PCDHGB1: variants seen among roughly 807,000 people sequenced by gnomAD.
PCDHGB1 encodes the protein protocadherin gamma subfamily B, 1.
A neutral mutation model predicts 56.6 loss-of-function variants in PCDHGB1; 34 were observed. The ratio of observed to expected loss-of-function variants is 0.60; its 90% confidence interval spans 0.46 to 0.80. The LOEUF is 0.80. PCDHGB1 is among the 30% of genes least tolerant of loss of function. PCDHGB1 has a pLI of 0.00. For missense variants in PCDHGB1, 1,278 were observed against 1,204.6 expected (o/e 1.06, Z -0.90); for synonymous variants, 561 against 505.9 (o/e 1.11, Z -1.46).
chr5:141,356,665 T>C (rs748524462), intron 1 of PCDHGB1: 3 of 1,613,898 alleles, frequency 1.9e-6, no homozygotes, highest in Admixed American at 3.3e-5. Flanking sequence ...CCGAATCACT[T>C]ACTCCCTGGC....
At chr5:141,423,328 G>C (rs1308803675) in intron 1 of PCDHGB1, 1 of 1,614,194 alleles carries the variant, frequency 6.2e-7, no homozygotes, top group African/African-American at 1.3e-5. Flanking sequence ...GGTGGCCGCA[G>C]TCTCCTGCAT....
chr5:141,353,442 C>T (rs114046983), intron 1 of PCDHGB1, among the ~76,000 whole-genome samples: 529 of 152,194 alleles, frequency 3.5e-3, no homozygotes, highest in Middle Eastern at 6.8e-3. Context: ...TTTGCAGCAA[C>T]ATGTATGTTT....
In PCDHGB1 at chr5:141,489,335, G is replaced by A. The variant is rs138015049; in HGVS notation, c.2410-5472G>A. The A allele has an allele frequency of 8.2e-5, 132 of 1,607,244 alleles. No individual in the cohort carries two copies. The African/African-American group carries it at 1.5e-3, about 18-fold the overall frequency. On this transcript the variant is annotated intron_variant, in intron 1 of 3. Transcript: ENST00000523390. This position sits in a 1 kb window ranked among gnomAD's most constrained non-coding sequence, Gnocchi z 4.5. ...TGGGGCTGGGTGTCTGGGCAGCTTC[G>A]TTACTCAGTGGTGGAGGAGTCTGAG...
chr5:141,357,248 A>G (rs750346912), intron 1 of PCDHGB1: 1 of 1,613,188 alleles, frequency 6.2e-7, no homozygotes, highest in South Asian at 1.1e-5. Context: ...CCTTCAGCAG[A>G]CCCAGACGAC....
chr5:141,436,842 T>G (rs986680968), intron 1 of PCDHGB1, among the ~76,000 whole-genome samples: 3 of 152,376 alleles, frequency 2.0e-5, no homozygotes, highest in African/African-American at 7.2e-5. Flanking sequence ...CCTAGGCACA[T>G]TCTTGATTGA....
In PCDHGB1 at chr5:141,417,713, C is replaced by T. The variant is rs905298887; in HGVS notation, c.2409+65044C>T. 1.3e-4 allele frequency: 160 copies of T among 1,271,624 alleles called. No homozygotes were observed. In the Admixed American group the frequency reaches 4.6e-3, roughly 37 times the overall value. The allele number at this position is 1,271,624 out of a possible 1,614,324, so 78.8% of individuals were successfully genotyped here. On this transcript the variant is annotated intron_variant, in intron 1 of 3. Transcript: ENST00000523390. ...AAACCAGCTCCCACACAGAGGCTCC[C>T]GGCTGCGCAGACCTTGCCCAGCACA... is the stretch of plus-strand genomic sequence containing the variant.
intron 1 of PCDHGB1, chr5:141,374,341 C>G: frequency 7.4e-6 from 12 of 1,613,988 alleles, no homozygotes; most frequent in Non-Finnish European, 8.5e-6. Flanking sequence ...GCTTGGTCAC[C>G]GCGGGTAGGA....
At position 141,379,889 on chromosome 5, in the gene PCDHGB1, CTTTTTTTTTTTTTT is replaced by C. The variant is rs70988800; in HGVS notation, c.2409+27237_2409+27250del. Among the ~76,000 whole-genome samples, 12 of 50,834 alleles carry C rather than the reference CTTTTTTTTTTTTTT, an allele frequency of 2.4e-4. 1 individual carries two copies. In the South Asian group the frequency reaches 3.7e-3, roughly 16 times the overall value. The allele number at this position is 50,834 out of a possible 152,430, so 33.3% of individuals were successfully genotyped here. Reference sequence around the variant, plus strand: ...CTTATTTTATGGTCTGTGAAAGCCTCTTTTTTTTTTTTTTTTTTTTTTTTTTTTTTGTCAGAGTC... The same window carrying C: ...CTTATTTTATGGTCTGTGAAAGCCTCTTTTTTTTTTTTTTTTGTCAGAGTC... On this transcript the variant is annotated intron_variant, in intron 1 of 3. Coordinates refer to ENST00000523390, the MANE Select transcript of PCDHGB1 (RefSeq NM_018922.3).
intron 1 of PCDHGB1, among the ~76,000 whole-genome samples, chr5:141,425,696 A>G (rs1033976807): frequency 1.3e-4 from 20 of 152,242 alleles, no homozygotes; most frequent in African/African-American, 4.3e-4. Context: ...ATCATTTCAT[A>G]GTGGTCAAAA....
chr5:141,423,132 C>T (rs375287728), intron 1 of PCDHGB1: 41 of 1,613,540 alleles, frequency 2.5e-5, no homozygotes, highest in Non-Finnish European at 3.3e-5. Flanking sequence ...CACTGCTGGA[C>T]AGAGACGCGC....
At position 141,476,764 on chromosome 5, in the gene PCDHGB1, G is replaced by A. The variant is rs570982273; in HGVS notation, c.2410-18043G>A. 1.2e-6 allele frequency: 2 copies of A among 1,613,794 alleles called. No homozygotes were observed. Reference sequence around the variant, plus strand: ...CTAGTCTCCAGTTAGTGCTGACGGCGTTGGACGGAGGGACCCCAGCTCTCT... The same window carrying A: ...CTAGTCTCCAGTTAGTGCTGACGGCATTGGACGGAGGGACCCCAGCTCTCT... On this transcript the variant is annotated intron_variant, in intron 1 of 3. Coordinates refer to ENST00000523390, the MANE Select transcript of PCDHGB1 (RefSeq NM_018922.3). The surrounding 1 kb of genome is among the most constrained non-coding windows in gnomAD (Gnocchi z 7.6).
At position 141,489,088 on chromosome 5, in the gene PCDHGB1, GAC is replaced by G; in HGVS notation, c.2410-5718_2410-5717del. 5.8e-6 allele frequency: 2 copies of G among 347,236 alleles called. No homozygotes were observed. The highest frequency in any genetic ancestry group is 4.7e-5 in the East Asian group (1 of 21,502). The allele number at this position is 347,236 out of a possible 1,614,324, so 21.5% of individuals were successfully genotyped here. A position where few individuals can be genotyped will look rare whatever the true frequency, so the allele number is the denominator to read the frequency against. ...CCCCTGCCCACCCCCGCCACTCGGT[GAC>G]TAAGAACTGCTGCAAGCAGGCAAAC... On this transcript the variant is annotated intron_variant, in intron 1 of 3. Transcript: ENST00000523390. The surrounding 1 kb of genome is among the most constrained non-coding windows in gnomAD (Gnocchi z 4.5).
intron 1 of PCDHGB1, chr5:141,384,354 C>A (rs1437330360): frequency 6.2e-7 from 1 of 1,613,844 alleles, no homozygotes; most frequent in Non-Finnish European, 8.5e-7. Context: ...AGGATAATGC[C>A]CAGATCACTT....
chr5:141,453,680 A>G (rs1466590010), intron 1 of PCDHGB1, among the ~76,000 whole-genome samples: 1 of 152,220 alleles, frequency 6.6e-6, no homozygotes, highest in Non-Finnish European at 1.5e-5. Context: ...GTAACACACT[A>G]TGTAGGTAGT....
chr5:141,465,777 C>G (rs2099109055), intron 1 of PCDHGB1, among the ~76,000 whole-genome samples: 2 of 151,768 alleles, frequency 1.3e-5, no homozygotes, highest in African/African-American at 2.4e-5. Flanking sequence ...TCTCTTGTTA[C>G]AGTTTTTTTT....
intron 2 of PCDHGB1, among the ~76,000 whole-genome samples, chr5:141,503,688 T>A (rs2099828724): frequency 6.6e-6 from 1 of 152,042 alleles, no homozygotes; most frequent in African/African-American, 2.4e-5. Context: ...GGAAGGAGAA[T>A]TGAGATTCCT....
chr5:141,389,083 A>T, intron 1 of PCDHGB1: 3 of 1,614,058 alleles, frequency 1.9e-6, no homozygotes, highest in Non-Finnish European at 2.5e-6. Context: ...AGAAACACGT[A>T]TAAATTAGTG....
chr5:141,427,704 G>A (rs2097059746), intron 1 of PCDHGB1: 1 of 966,116 alleles, frequency 1.0e-6, no homozygotes, highest in Non-Finnish European at 1.6e-6. Flanking sequence ...ACAAGTCAGC[G>A]CCTCTGACCT....
intron 1 of PCDHGB1, chr5:141,355,804 C>G: frequency 6.2e-7 from 1 of 1,613,356 alleles, no homozygotes; most frequent in Non-Finnish European, 8.5e-7. Flanking sequence ...CGCTCTAGAT[C>G]GCGAGGAAGA....
Sources: gnomAD v4.1 joint callset for allele counts (sites outside exome capture counted in the v4.1 genomes callset) on GRCh38, gnomAD v4.1.1 for gene constraint, Gnocchi (gnomAD v3.1) non-coding constraint, MANE v1.5 for transcripts, NCBI Gene and HGNC (gene_info 2026-07-23, HGNC 2026-07-21) for gene names.